DEFB110: variants seen among roughly 807,000 people sequenced by gnomAD.
DEFB110 encodes beta-defensin 110.
In DEFB110, 4 loss-of-function variants were observed where a neutral mutation model predicts 2.5. That is an observed-to-expected ratio of 1.60 (90% CI 0.79 to 3.66). The LOEUF is 3.66. Among genes scored for constraint, DEFB110 ranks in the 30% most tolerant of loss-of-function variants. The probability of loss-of-function intolerance (pLI) is 0.01; values close to 1 mark genes in which losing one functional copy is unlikely to be tolerated. For synonymous variants in DEFB110, 29 were observed against 21.8 expected, an observed-to-expected ratio of 1.33 and a Z score of -0.92; for missense variants, 94 against 75.4, an observed-to-expected ratio of 1.25 and a Z score of -0.91.
downstream of DEFB110, among the ~76,000 whole-genome samples, chr6:50,017,643 G>T (rs79146184): frequency 1.3e-5 from 2 of 151,790 alleles, no homozygotes; most frequent in Non-Finnish European, 2.9e-5. Context: ...TACTTTTGAA[G>T]ATATTTACAT....
downstream of DEFB110, chr6:50,018,802 A>G: frequency 7.8e-7 from 1 of 1,286,108 alleles, no homozygotes; most frequent in South Asian, 2.7e-5. Flanking sequence ...GAAAAGTGTA[A>G]TGGAAAGGCA....
exon 2 of DEFB110, chr6:50,009,211 C>T: frequency 6.2e-7 from 1 of 1,609,536 alleles, no homozygotes; most frequent in Non-Finnish European, 8.5e-7. Flanking sequence ...AAACGTTTTA[C>T]ATATTCCTCT....
intron 1 of DEFB110, among the ~76,000 whole-genome samples, chr6:50,011,663 A>C (rs562839258): frequency 3.9e-5 from 6 of 152,152 alleles, no homozygotes; most frequent in Non-Finnish European, 8.8e-5. Context: ...TCCCAAGGGA[A>C]GTGTCTGGCA....
chr6:50,019,071 AT>A lies in DEFB110; in HGVS notation c.109del (p.Ile37Ter). 6.2e-7 allele frequency: 1 copy of A among 1,613,240 alleles called. No individual in the cohort carries two copies. The highest frequency in any genetic ancestry group is 1.1e-5 in the South Asian group (1 of 91,050). On this transcript the variant is annotated frameshift_variant, in exon 2 of 2. Transcript: ENST00000371148. LOFTEE classifies it high-confidence loss of function. The part of the protein sequence containing the change: ...GSLDLRRECR[I>X]GNGQCKNQCH... ...CTGATTTTTACATTGACCATTACCT[AT>A]TCTGCACTCTCTCCTCAAGTCCAAG... is the stretch of plus-strand genomic sequence containing the variant.
At chr6:50,015,157 C>T (rs1774295852), downstream of DEFB110, among the ~76,000 whole-genome samples, 2 of 151,740 alleles carry the variant, frequency 1.3e-5, no homozygotes, top group South Asian at 4.1e-4. Flanking sequence ...AATTTAATCC[C>T]TCATGAAATC....
At chr6:50,021,801 TTATCA>T in intron 1 of DEFB110, 75 bp downstream of exon 1, 1 of 1,317,328 alleles carries the variant, frequency 7.6e-7, no homozygotes, top group Non-Finnish European at 1.0e-6. Flanking sequence ...CCCTATGTTA[TTATCA>T]TATTTTTTAT....
At chr6:50,013,116 A>C (rs1430190444) in intron 1 of DEFB110, among the ~76,000 whole-genome samples, 4 of 151,872 alleles carry the variant, frequency 2.6e-5, no homozygotes, top group Non-Finnish European at 4.4e-5. Flanking sequence ...TTATTACTCC[A>C]ATAACTCTTC....
chr6:50,012,837 C>T (rs1774249409), intron 1 of DEFB110, among the ~76,000 whole-genome samples: 2 of 151,672 alleles, frequency 1.3e-5, no homozygotes, highest in Admixed American at 1.3e-4. Context: ...AATATTTAAG[C>T]TCTTCACCTT....
At chr6:50,016,870 G>A (rs933122982), downstream of DEFB110, among the ~76,000 whole-genome samples, 1 of 151,738 alleles carries the variant, frequency 6.6e-6, no homozygotes, top group African/African-American at 2.4e-5. Context: ...AATTTAGATG[G>A]TTTTCGTGCT....
chr6:50,013,909 C>T (rs753873170), downstream of DEFB110, among the ~76,000 whole-genome samples: 1 of 151,768 alleles, frequency 6.6e-6, no homozygotes, highest in Non-Finnish European at 1.5e-5. Context: ...AATATGATTT[C>T]GTTCTGGACA....
chr6:50,020,123 CA>C (rs1243045965), intron 1 of DEFB110, among the ~76,000 whole-genome samples: 7 of 151,780 alleles, frequency 4.6e-5, no homozygotes, highest in Admixed American at 4.6e-4. Context: ...TCCAGGAGAG[CA>C]AAACTGCAAC....
downstream of DEFB110, among the ~76,000 whole-genome samples, chr6:50,013,978 T>A (rs146015920): frequency 6.6e-6 from 1 of 151,956 alleles, no homozygotes; most frequent in Non-Finnish European, 1.5e-5. Flanking sequence ...TAATAAATAC[T>A]GTTTTGTGGT....
intron 1 of DEFB110, 102 bp from the exon 2 acceptor site, chr6:50,019,227 G>A (rs1022481383): frequency 4.8e-6 from 6 of 1,240,988 alleles, no homozygotes; most frequent in Middle Eastern, 2.2e-4. Flanking sequence ...GAGTGAAAAT[G>A]TCCACCTACC....
downstream of DEFB110, among the ~76,000 whole-genome samples, chr6:50,014,726 C>T (rs952629500): frequency 6.6e-6 from 1 of 151,720 alleles, no homozygotes; most frequent in African/African-American, 2.4e-5. Context: ...TGATCTTGCT[C>T]CCTTCAATTC....
At chr6:50,009,274 G>T in intron 1 of DEFB110, 2 of 1,588,516 alleles carry the variant, frequency 1.3e-6, no homozygotes, top group Non-Finnish European at 1.7e-6. Flanking sequence ...GCTTCTGGCT[G>T]CAATCAAGAA....
At chr6:50,019,200 T>C (rs562405952) in intron 1 of DEFB110, 75 bp from the exon 2 acceptor site, 179 of 1,486,506 alleles carry the variant, frequency 1.2e-4, no homozygotes, top group Non-Finnish European at 1.5e-4. Context: ...AGAAAGTCCA[T>C]GAAGCAAAAG....
chr6:50,016,622 C>T (rs888788740), downstream of DEFB110, among the ~76,000 whole-genome samples: 1 of 151,454 alleles, frequency 6.6e-6, no homozygotes, highest in African/African-American at 2.4e-5. Context: ...ATTAGTAACA[C>T]CTTTATCTTT....
At chr6:50,019,756 C>CA (rs1348671914) in intron 1 of DEFB110, among the ~76,000 whole-genome samples, 1 of 151,092 alleles carries the variant, frequency 6.6e-6, no homozygotes, top group Non-Finnish European at 1.5e-5. Flanking sequence ...TTTTCTTTCA[C>CA]AAAAAAGTTT....
chr6:50,009,404 G>T (rs2113935779), intron 1 of DEFB110: 1 of 869,272 alleles, frequency 1.2e-6, no homozygotes, highest in Admixed American at 3.4e-5. Flanking sequence ...ACGTCAAGTT[G>T]TTTTGTAGCA....
Sources: allele counts gnomAD v4.1 joint callset (sites outside exome capture counted in the v4.1 genomes callset), GRCh38; gene constraint gnomAD v4.1.1; transcripts MANE v1.5; gene names NCBI Gene and HGNC (gene_info 2026-07-23, HGNC 2026-07-21).